Variants in TMEM132E observed in about 807,000 individuals in gnomAD.
TMEM132E encodes transmembrane protein 132E.
In TMEM132E, 49 loss-of-function variants were observed where a neutral mutation model predicts 78.5. The observed-to-expected ratio is 0.62, with a 90% confidence interval of 0.50 to 0.79. The LOEUF (loss-of-function observed/expected upper bound fraction) is 0.79, where lower values mean the gene tolerates loss of function less well. Ranked by LOEUF, TMEM132E falls within the 30% of genes least tolerant of loss-of-function variation. The pLI, the probability that TMEM132E is intolerant of heterozygous loss-of-function variation, is 0.00. For synonymous variants in TMEM132E, 715 were observed against 670.6 expected, an observed-to-expected ratio of 1.07 and a Z score of -1.02; for missense variants, 1,403 against 1,470.9, an observed-to-expected ratio of 0.95 and a Z score of 0.75.
At chr17:34,597,366 T>C (rs1906096172) in intron 1 of TMEM132E, among the ~76,000 whole-genome samples, 1 of 152,086 alleles carries the variant, frequency 6.6e-6, no homozygotes. Flanking sequence ...AGCTCCTTTA[T>C]AGAGCCTCAT....
At chr17:34,603,208 C>A (rs1418036546) in intron 1 of TMEM132E, among the ~76,000 whole-genome samples, 1 of 152,140 alleles carries the variant, frequency 6.6e-6, no homozygotes, top group Non-Finnish European at 1.5e-5. Context: ...AGCCATCCTC[C>A]TGGGGGATAA....
chr17:34,638,248 T>G lies in TMEM132E; in HGVS notation c.*16T>G, dbSNP rs1161767536. ...GATTGCATAGAGGCGCCAGCCGGAG[T>G]AGCAGGGACCCCCCCCCCCAACGGG... On this transcript the variant is annotated 3_prime_UTR_variant, in exon 9 of 9. Coordinates refer to ENST00000631683, the MANE Select transcript of TMEM132E (RefSeq NM_001304438.2). 3 of 1,492,326 alleles carry G rather than the reference T, an allele frequency of 2.0e-6. No homozygotes were observed. Among genetic ancestry groups the G allele is most frequent in the African/African-American group, 1.5e-5 (1 of 66,146 alleles). The allele number at this position is 1,492,326 out of a possible 1,614,324, so 92.4% of individuals were successfully genotyped here.
In TMEM132E at chr17:34,608,386, C is replaced by T. The variant is rs556603457; in HGVS notation, c.68-17741C>T. ...CTACTAGCGATGATCTTGCACATGG[C>T]TAAGCTGCAGTGTCCTGTATACAGT... is the stretch of plus-strand genomic sequence containing the variant. On this transcript the variant is annotated intron_variant, in intron 1 of 8. Transcript: ENST00000631683. Among the ~76,000 whole-genome samples the T allele has an allele frequency of 2.6e-5, 4 of 152,346 alleles. No homozygotes were observed. The East Asian group carries it at 7.7e-4, about 29-fold the overall frequency.
rs566810741 is a variant in TMEM132E at position 34,628,717 on chromosome 17, C to G, written c.1145+8C>G. The G allele has an allele frequency of 1.3e-6, 2 of 1,577,784 alleles. No homozygotes were observed. The highest frequency in any genetic ancestry group is 1.4e-5 in the African/African-American group (1 of 73,442). ...CACACCCCTGCCCCCCAGGTGAGCCCGAGGTGGTGCATCTACCCACCTCTT... is the reference window on the plus strand; with the variant it reads ...CACACCCCTGCCCCCCAGGTGAGCCGGAGGTGGTGCATCTACCCACCTCTT... On this transcript the variant is annotated splice_region_variant and intron_variant, in intron 3 of 8. Coordinates refer to ENST00000631683, the MANE Select transcript of TMEM132E (RefSeq NM_001304438.2).
At chr17:34,597,767 C>T (rs889090886) in intron 1 of TMEM132E, among the ~76,000 whole-genome samples, 20 of 152,146 alleles carry the variant, frequency 1.3e-4, no homozygotes, top group African/African-American at 4.6e-4. Context: ...GAGCCTCTGG[C>T]CTGGCCCACC....
rs575203048 is a variant in TMEM132E, at chr17:34,580,127, G to A, written c.-950G>A. ...CCCGGAGCTGCCGTGAGCTGCAGGA[G>A]CCCCTCTGCATCTTACAGCGTTTAT... On this transcript the variant is annotated 5_prime_UTR_variant, in exon 1 of 9. Coordinates refer to ENST00000631683, the MANE Select transcript of TMEM132E (RefSeq NM_001304438.2). 6.6e-6 allele frequency: 1 copy of A among 152,542 alleles called. No individual in the cohort carries two copies. Among genetic ancestry groups the A allele is most frequent in the East Asian group, 1.9e-4 (1 of 5,184 alleles). 9.4% of individuals were successfully genotyped at this position (152,542 alleles called of 1,614,324 possible). A position where few individuals can be genotyped will look rare whatever the true frequency, so the allele number is the denominator to read the frequency against.
Position 34,627,112 on chromosome 17 carries a change from C to G in TMEM132E, c.998+55C>G. 6 of 1,326,060 alleles carry G rather than the reference C, an allele frequency of 4.5e-6. No individual in the cohort carries two copies. In the South Asian group the frequency reaches 4.7e-5, roughly 10 times the overall value. 82.1% of individuals were successfully genotyped at this position (1,326,060 alleles called of 1,614,324 possible). ...TTCCCTTCCAAGATCAAATGCATAC[C>G]TGACTCCTTGTGGGTGGGTTGGGGG... On this transcript the variant is annotated intron_variant, in intron 2 of 8. Coordinates refer to ENST00000631683, the MANE Select transcript of TMEM132E (RefSeq NM_001304438.2).
Position 34,637,722 on chromosome 17 carries a change from C to T in TMEM132E, c.2715C>T (p.Phe905=), listed in dbSNP as rs925285397. The change falls in exon 9 of 9, where the codon TTC becomes TTT. Residue 905 remains phenylalanine, a synonymous_variant. Coordinates refer to ENST00000631683, the MANE Select transcript of TMEM132E (RefSeq NM_001304438.2). ...TCTTCTGCCTCGCCATCCTCGTCTT[C>T]CTCATCAACTGCATCGTTTTTGTGC... ...LGVFCLAILV[F]LINCIVFVLR... 2.2e-5 allele frequency: 36 copies of T among 1,613,484 alleles called. No homozygotes were observed. The highest frequency in any genetic ancestry group is 1.6e-4 in the Middle Eastern group (1 of 6,062).
chr17:34,611,367 T>A (rs573143618), intron 1 of TMEM132E, among the ~76,000 whole-genome samples: 1 of 152,192 alleles, frequency 6.6e-6, no homozygotes, highest in Non-Finnish European at 1.5e-5. Flanking sequence ...GAATGGCAGA[T>A]GGGAGAGGAG....
chr17:34,612,627 C>CTGTCGTCAAAACATCAGAG (rs1906629569), intron 1 of TMEM132E, among the ~76,000 whole-genome samples: 1 of 152,216 alleles, frequency 6.6e-6, no homozygotes, highest in Middle Eastern at 3.2e-3. Flanking sequence ...AGAGATCATT[C>CTGTCGTCAAAACATCAGAG]ACACACAAGT....
intron 1 of TMEM132E, among the ~76,000 whole-genome samples, chr17:34,621,462 G>A (rs1206357985): frequency 6.6e-6 from 1 of 152,156 alleles, no homozygotes; most frequent in East Asian, 1.9e-4. Context: ...GCCTCTTTAA[G>A]GATCCTGTCT....
intron 1 of TMEM132E, among the ~76,000 whole-genome samples, chr17:34,581,775 C>A (rs896521987): frequency 1.3e-5 from 2 of 151,466 alleles, no homozygotes; most frequent in African/African-American, 4.8e-5. Context: ...GCGGGCCGCG[C>A]GCGGAGGGAG....
intron 1 of TMEM132E, among the ~76,000 whole-genome samples, chr17:34,591,230 T>C (rs996338690): frequency 6.6e-6 from 1 of 151,982 alleles, no homozygotes; most frequent in Non-Finnish European, 1.5e-5. Context: ...TACAGGAGCA[T>C]CCTTACGGTC....
rs978597273 is a variant in TMEM132E at position 34,637,716 on chromosome 17, C to T, written c.2709C>T (p.Leu903=). The T allele has an allele frequency of 6.2e-7, 1 of 1,613,296 alleles. No homozygotes were observed. Among genetic ancestry groups the T allele is most frequent in the African/African-American group, 1.3e-5 (1 of 75,062 alleles). The stretch of plus-strand genomic sequence containing the variant: ...TGGGCGTCTTCTGCCTCGCCATCCT[C>T]GTCTTCCTCATCAACTGCATCGTTT... ...ALLGVFCLAI[L]VFLINCIVFV... Residue 903 remains leucine, a synonymous_variant, in exon 9 of 9, where the codon CTC becomes CTT. Transcript: ENST00000631683.
In TMEM132E at chr17:34,637,777, G is replaced by A. The variant is rs1233870562; in HGVS notation, c.2770G>A (p.Glu924Lys). ...LRYRHKRIPP[E>K]GQTSMDHSHH... ...CTACCGGCACAAGCGCATCCCGCCC[G>A]AGGGCCAGACCAGCATGGACCACTC... Residue 924 changes from glutamate (E) to lysine (K), a missense_variant, in exon 9 of 9, where the codon GAG becomes AAG. This residue lies in a region of TMEM132E where 888 missense variants were observed against 952.8 expected (regional missense o/e 0.93). Coordinates refer to ENST00000631683, the MANE Select transcript of TMEM132E (RefSeq NM_001304438.2). 5.0e-6 allele frequency: 8 copies of A among 1,613,374 alleles called. No individual in the cohort carries two copies. The highest frequency in any genetic ancestry group is 6.8e-6 in the Non-Finnish European group (8 of 1,179,978).
In TMEM132E at chr17:34,580,655, A is replaced by C; in HGVS notation, c.-422A>C. 3 of 173,846 alleles carry C rather than the reference A, an allele frequency of 1.7e-5. No individual in the cohort carries two copies. Among genetic ancestry groups the C allele is most frequent in the Non-Finnish European group, 1.2e-5 (1 of 82,678 alleles). The allele number at this position is 173,846 out of a possible 1,614,324, so 10.8% of individuals were successfully genotyped here. A position where few individuals can be genotyped will look rare whatever the true frequency, so the allele number is the denominator to read the frequency against. The stretch of plus-strand genomic sequence containing the variant: ...GTGCGGTTACTACCGAAACCGAGGA[A>C]ACTGGGGATTGCGTTGGAAGTCGGC... On this transcript the variant is annotated 5_prime_UTR_variant, in exon 1 of 9. Transcript: ENST00000631683.
In TMEM132E at chr17:34,628,616, A is replaced by T. The variant is rs745443340; in HGVS notation, c.1052A>T (p.Gln351Leu). 21 of 1,614,054 alleles carry T rather than the reference A, an allele frequency of 1.3e-5. No individual in the cohort carries two copies. In the East Asian group the frequency reaches 4.7e-4, roughly 36 times the overall value. Residue 351 changes from glutamine (Q) to leucine (L), a missense_variant, in exon 3 of 9, where the codon CAG (glutamine) becomes CTG (leucine). Around this residue, in one of 3 missense-constraint regions of TMEM132E, gnomAD observed 511 missense variants for 499.0 expected, o/e 1.02. Coordinates refer to ENST00000631683, the MANE Select transcript of TMEM132E (RefSeq NM_001304438.2). ...TTAGGTACCAAGTCACGGAGTGGCCAGTGGCATGTGACCTCGGAGCTGCTG... is the reference window on the plus strand; with the variant it reads ...TTAGGTACCAAGTCACGGAGTGGCCTGTGGCATGTGACCTCGGAGCTGCTG... ...TLLGTKSRSG[Q>L]WHVTSELLTG...
chr17:34,619,600 C>T (rs548803101), intron 1 of TMEM132E, among the ~76,000 whole-genome samples: 1 of 152,140 alleles, frequency 6.6e-6, no homozygotes, highest in South Asian at 2.1e-4. Context: ...GCAATGTCAG[C>T]GTTATGCTGT....
rs1052726474 is a variant in TMEM132E, at chr17:34,613,174, T to TACACAC, written c.68-12936_68-12931dup. Among the ~76,000 whole-genome samples the TACACAC allele has an allele frequency of 3.2e-3, 355 of 109,274 alleles. 3 individuals carry two copies. Among genetic ancestry groups the TACACAC allele is most frequent in the African/African-American group, 0.01 (333 of 33,000 alleles). 71.7% of individuals were successfully genotyped at this position (109,274 alleles called of 152,430 possible). ...CACACTCTCTCTCTCTCTCTCTCTC[T>TACACAC]ACACACACACACACACACACACCCA... is the stretch of plus-strand genomic sequence containing the variant. On this transcript the variant is annotated intron_variant, in intron 1 of 8. Transcript: ENST00000631683.
Sources: gnomAD v4.1 joint callset for allele counts (sites outside exome capture counted in the v4.1 genomes callset) on GRCh38, gnomAD v4.1.1 for gene constraint, gnomAD v4.1.1 regional missense constraint, MANE v1.5 for transcripts, NCBI Gene and HGNC (gene_info 2026-07-23, HGNC 2026-07-21) for gene names.